Variants in JRK observed in about 807,000 individuals in gnomAD.
JRK encodes the protein jerky protein homolog.
For missense variants in JRK, 720 were observed against 509.2 expected (o/e 1.41, Z -3.98); for synonymous variants, 303 against 218.1 (o/e 1.39, Z -3.43).
At chr8:142,669,302 G>A (rs895848118) in intron 1 of JRK, among the ~76,000 whole-genome samples, 1 of 152,068 alleles carries the variant, frequency 6.6e-6, no homozygotes, top group East Asian at 1.9e-4. Context: ...GTCAGAAGGA[G>A]AGTATGGGAC....
chr8:142,662,822 G>A lies in JRK; in HGVS notation c.*1530C>T. ...GGCCAAATGATATGAATTTAAGAGA[G>A]GAAAAGAATTCAAGGGCAAAGCACT... On this transcript the variant is annotated 3_prime_UTR_variant, in exon 2 of 2. Coordinates refer to ENST00000612905, the MANE Select transcript of JRK (RefSeq NM_003724.4). 1 of 985,412 alleles carries A rather than the reference G, an allele frequency of 1.0e-6. No homozygotes were observed. Among genetic ancestry groups the A allele is most frequent in the Non-Finnish European group, 1.2e-6 (1 of 829,914 alleles). The allele number at this position is 985,412 out of a possible 1,614,324, so 61.0% of individuals were successfully genotyped here. A position where few individuals can be genotyped will look rare whatever the true frequency, so the allele number is the denominator to read the frequency against.
chr8:142,653,935 T>C (rs1199167791), downstream of JRK, among the ~76,000 whole-genome samples: 1 of 152,226 alleles, frequency 6.6e-6, no homozygotes, highest in Non-Finnish European at 1.5e-5. Flanking sequence ...GCTGGCTCTA[T>C]GTATATTCAA....
chr8:142,661,164 C>A lies in JRK; in HGVS notation c.*3188G>T. On this transcript the variant is annotated 3_prime_UTR_variant, in exon 2 of 2. Coordinates refer to ENST00000612905, the MANE Select transcript of JRK (RefSeq NM_003724.4). ...GGCCCAGGGCAAGGTCTGCTCTAGA[C>A]CCTCCTATGCAGGAGACAGACAACT... 2.0e-6 allele frequency: 2 copies of A among 985,496 alleles called. No individual in the cohort carries two copies. The highest frequency in any genetic ancestry group is 2.4e-6 in the Non-Finnish European group (2 of 829,968). 61.0% of individuals were successfully genotyped at this position (985,496 alleles called of 1,614,324 possible).
Position 142,664,785 on chromosome 8 carries a change from C to T in JRK, c.1274G>A (p.Gly425Asp). ...FAHILELVKEGSSCPGQLRQR... is the reference protein window; with the variant it reads ...FAHILELVKEDSSCPGQLRQR... ...GCGAAGCTGGCCCGGGCAGGAGGAG[C>T]CTTCCTTCACAAGCTCCAGGATGTG... The change falls in exon 2 of 2, where the codon GGC becomes GAC. Residue 425 changes from glycine (G) to aspartate (D), a missense_variant. Transcript: ENST00000612905. 3.8e-6 allele frequency: 6 copies of T among 1,590,742 alleles called. No homozygotes were observed. Among genetic ancestry groups the T allele is most frequent in the Non-Finnish European group, 5.1e-6 (6 of 1,169,346 alleles).
In JRK at chr8:142,663,879, TG is replaced by T. The variant is rs1248334335; in HGVS notation, c.*472del. On this transcript the variant is annotated 3_prime_UTR_variant, in exon 2 of 2. Coordinates refer to ENST00000612905, the MANE Select transcript of JRK (RefSeq NM_003724.4). ...GCTCGGGGTCCACCCAACACGGGGATGGCCGCCAGCCCAGCAGATAGAGCCT... is the reference window on the plus strand; with the variant it reads ...GCTCGGGGTCCACCCAACACGGGGATGCCGCCAGCCCAGCAGATAGAGCCT... 2 of 989,824 alleles carry T rather than the reference TG, an allele frequency of 2.0e-6. No homozygotes were observed. Among genetic ancestry groups the T allele is most frequent in the African/African-American group, 1.7e-5 (1 of 57,446 alleles). The allele number at this position is 989,824 out of a possible 1,614,324, so 61.3% of individuals were successfully genotyped here.
intron 1 of JRK, among the ~76,000 whole-genome samples, chr8:142,667,035 T>C (rs1847149089): frequency 6.6e-6 from 1 of 152,122 alleles, no homozygotes. Flanking sequence ...CCGCCAAAGA[T>C]CTTACAAACC....
At position 142,659,600 on chromosome 8, in the gene JRK, C is replaced by G; in HGVS notation, c.*4752G>C. ...TGCTGCCTAAGAGACCAGGACCCAG[C>G]AGGGGCCATACCCAGATTCAGAGGC... On this transcript the variant is annotated 3_prime_UTR_variant, in exon 2 of 2. Coordinates refer to ENST00000612905, the MANE Select transcript of JRK (RefSeq NM_003724.4). 1.0e-6 allele frequency: 1 copy of G among 985,582 alleles called. No individual in the cohort carries two copies. 61.1% of individuals were successfully genotyped at this position (985,582 alleles called of 1,614,324 possible). A position where few individuals can be genotyped will look rare whatever the true frequency, so the allele number is the denominator to read the frequency against.
At position 142,664,422 on chromosome 8, in the gene JRK, T is replaced by A. The variant is rs587685187; in HGVS notation, c.1637A>T (p.Glu546Val). ...GAVVKVEALQ[E>V]GPGGCGATAQ... ...TGTGGCCCCACAGCCACCAGGGCCCTCCTGGAGGGCTTCAACCTTGACCAC... is the reference window on the plus strand; with the variant it reads ...TGTGGCCCCACAGCCACCAGGGCCCACCTGGAGGGCTTCAACCTTGACCAC... The change falls in exon 2 of 2, where the codon GAG becomes GTG. Residue 546 changes from glutamate to valine, a missense_variant. Transcript: ENST00000612905. 36 of 1,607,770 alleles carry A rather than the reference T, an allele frequency of 2.2e-5. No homozygotes were observed. The South Asian group carries it at 3.9e-4, about 17-fold the overall frequency.
rs1376478787 is a variant in JRK at position 142,660,759 on chromosome 8, C to T, written c.*3593G>A. ...TGAGGTCCCTGAGGTGCAGTGTGGACGGGTCTTGATTTGTCCCAAGTTGTC... is the reference window on the plus strand; with the variant it reads ...TGAGGTCCCTGAGGTGCAGTGTGGATGGGTCTTGATTTGTCCCAAGTTGTC... On this transcript the variant is annotated 3_prime_UTR_variant, in exon 2 of 2. Coordinates refer to ENST00000612905, the MANE Select transcript of JRK (RefSeq NM_003724.4). 24 of 985,334 alleles carry T rather than the reference C, an allele frequency of 2.4e-5. No homozygotes were observed. Among genetic ancestry groups the T allele is most frequent in the African/African-American group, 5.2e-5 (3 of 57,194 alleles). The allele number at this position is 985,334 out of a possible 1,614,324, so 61.0% of individuals were successfully genotyped here.
chr8:142,644,289 C>T, the JRK span, among the ~76,000 whole-genome samples: 2 of 151,992 alleles, frequency 1.3e-5, no homozygotes, highest in Admixed American at 1.3e-4. Flanking sequence ...GTCAAAAGCA[C>T]CATTGACAAG....
Position 142,664,766 on chromosome 8 carries a change from C to T in JRK, c.1293G>A (p.Gln431=), listed in dbSNP as rs201424108. 5 of 1,589,550 alleles carry T rather than the reference C, an allele frequency of 3.1e-6. No homozygotes were observed. The highest frequency in any genetic ancestry group is 1.6e-4 in the Middle Eastern group (1 of 6,064). ...LVKEGSSCPG[Q]LRQRQAASWG... is the part of the protein sequence containing the mutation. ...AGCTGGCGGCCTGGCGCTGGCGAAG[C>T]TGGCCCGGGCAGGAGGAGCCTTCCT... The change falls in exon 2 of 2, where the codon CAG becomes CAA. Residue 431 remains glutamine (Q), a synonymous_variant. Transcript: ENST00000612905.
the JRK span, among the ~76,000 whole-genome samples, chr8:142,644,687 C>CGAG: frequency 0.59 from 89,779 of 151,706 alleles, 27,982 homozygotes; most frequent in Admixed American, 0.69. Flanking sequence ...AGTGCTAACT[C>CGAG]GATTTCAAAA....
downstream of JRK, among the ~76,000 whole-genome samples, chr8:142,655,021 T>C (rs1318733963): frequency 6.6e-6 from 1 of 152,146 alleles, no homozygotes; most frequent in Non-Finnish European, 1.5e-5. Flanking sequence ...CAGCCTCCTA[T>C]GGCGGCTTCA....
the JRK span, among the ~76,000 whole-genome samples, chr8:142,647,866 G>T: frequency 6.6e-6 from 1 of 152,216 alleles, no homozygotes; most frequent in Non-Finnish European, 1.5e-5. Flanking sequence ...GGGAAAGTTT[G>T]GAACTTCCTA....
chr8:142,649,306 T>C, the JRK span, among the ~76,000 whole-genome samples: 1 of 152,202 alleles, frequency 6.6e-6, no homozygotes, highest in South Asian at 2.1e-4. Flanking sequence ...AGGGTTTGGC[T>C]GTGTCCCCAC....
chr8:142,664,670 C>A lies in JRK; in HGVS notation c.1389G>T (p.Trp463Cys). 1 of 1,611,638 alleles carries A rather than the reference C, an allele frequency of 6.2e-7. No homozygotes were observed. The highest frequency in any genetic ancestry group is 8.5e-7 in the Non-Finnish European group (1 of 1,179,220). Residue 463 changes from tryptophan to cysteine, a missense_variant, in exon 2 of 2, where the codon TGG becomes TGT. Physicochemically the swap from Trp to Cys is radical, Grantham distance 215. Transcript: ENST00000612905. ...PAATSPAEVV[W>C]SSEKTPKADQ... ...CAGCTTTCGGAGTCTTTTCTGAACTCCACACAACCTCTGCTGGCGACGTGG... is the reference window on the plus strand; with the variant it reads ...CAGCTTTCGGAGTCTTTTCTGAACTACACACAACCTCTGCTGGCGACGTGG...
chr8:142,648,232 G>C, the JRK span, among the ~76,000 whole-genome samples: 1 of 152,234 alleles, frequency 6.6e-6, no homozygotes, highest in Admixed American at 6.5e-5. Context: ...GCCATTTTCT[G>C]AGGAGAAATT....
chr8:142,656,288 C>G (rs1554633634), downstream of JRK, among the ~76,000 whole-genome samples: 1 of 152,198 alleles, frequency 6.6e-6, no homozygotes, highest in African/African-American at 2.4e-5. Flanking sequence ...TTAGTGGCAT[C>G]CATTTCCCAC....
At chr8:142,667,437 A>G (rs1310898051) in intron 1 of JRK, among the ~76,000 whole-genome samples, 1 of 16,148 alleles carries the variant, frequency 6.2e-5, no homozygotes, top group South Asian at 2.4e-3. Context: ...ACGGAGACAC[A>G]CACACACACA....
Sources: gnomAD v4.1 joint callset for allele counts (sites outside exome capture counted in the v4.1 genomes callset) on GRCh38, gnomAD v4.1.1 for gene constraint, MANE v1.5 for transcripts, NCBI Gene and HGNC (gene_info 2026-07-23, HGNC 2026-07-21) for gene names.